STXBP5L: variants seen among roughly 807,000 people sequenced by gnomAD.
The protein encoded by STXBP5L is syntaxin-binding protein 5-like.
A neutral mutation model predicts 144.5 loss-of-function variants in STXBP5L; 65 were observed. The observed-to-expected ratio is 0.45, with a 90% CI of 0.37 to 0.55. STXBP5L has a LOEUF of 0.55. STXBP5L is among the 20% of genes least tolerant of loss of function. STXBP5L has a pLI of 0.00. For missense variants in STXBP5L, 1,298 were observed against 1,405.5 expected (o/e 0.92, Z 1.22); for synonymous variants, 505 against 469.6 (o/e 1.08, Z -0.97).
chr3:120,966,043 G>A (rs539898764), intron 3 of STXBP5L, among the ~76,000 whole-genome samples: 1 of 152,000 alleles, frequency 6.6e-6, no homozygotes, highest in South Asian at 2.1e-4. Context: ...TTCCATCACT[G>A]ATACCCTTTC....
chr3:121,374,454 C>A (rs371535640), intron 20 of STXBP5L, among the ~76,000 whole-genome samples: 3 of 151,196 alleles, frequency 2.0e-5, no homozygotes. Context: ...AATAACAGAC[C>A]CCAAAGGAAA....
At chr3:121,322,465 C>T (rs751707187) in intron 20 of STXBP5L, among the ~76,000 whole-genome samples, 22 of 111,940 alleles carry the variant, frequency 2.0e-4, no homozygotes, top group South Asian at 1.4e-3. Context: ...GCAACAAGAG[C>T]GAAACTGTGC....
chr3:120,988,572 T>C (rs1324866203), intron 3 of STXBP5L, among the ~76,000 whole-genome samples: 1 of 152,120 alleles, frequency 6.6e-6, no homozygotes, highest in African/African-American at 2.4e-5. Flanking sequence ...GAAACATGTA[T>C]GTTGTTCTTT....
At chr3:121,401,144 T>C (rs1308643774) in intron 22 of STXBP5L, among the ~76,000 whole-genome samples, 1 of 152,130 alleles carries the variant, frequency 6.6e-6, no homozygotes, top group Non-Finnish European at 1.5e-5. Context: ...ATGTGTTCAG[T>C]ATGCGGGTTC....
At chr3:121,117,865 T>A (rs2044298943) in intron 6 of STXBP5L, among the ~76,000 whole-genome samples, 1 of 151,746 alleles carries the variant, frequency 6.6e-6, no homozygotes, top group African/African-American at 2.4e-5. Context: ...AACAGTGATA[T>A]TTGAAGAATA....
intron 19 of STXBP5L, among the ~76,000 whole-genome samples, chr3:121,282,819 A>G (rs1369461807): frequency 1.3e-5 from 2 of 152,020 alleles, no homozygotes; most frequent in African/African-American, 2.4e-5. Context: ...CTGATTTCTG[A>G]TGATTTTTAT....
intron 2 of STXBP5L, among the ~76,000 whole-genome samples, chr3:120,918,275 C>A (rs569162238): frequency 6.6e-6 from 1 of 152,332 alleles, no homozygotes; most frequent in South Asian, 2.1e-4. Flanking sequence ...AGTCTTCATT[C>A]CATCTGCAAC....
intron 20 of STXBP5L, among the ~76,000 whole-genome samples, chr3:121,354,447 G>T (rs2045423495): frequency 6.9e-6 from 1 of 145,002 alleles, no homozygotes; most frequent in Admixed American, 6.9e-5. Flanking sequence ...GGTCTTCTTT[G>T]TCTCTTTTGA....
chr3:120,927,667 C>T (rs536810983), intron 2 of STXBP5L, among the ~76,000 whole-genome samples: 25 of 152,134 alleles, frequency 1.6e-4, no homozygotes, highest in Non-Finnish European at 3.2e-4. Context: ...ATTCTCTTTA[C>T]TGTCTGCTTG....
intron 20 of STXBP5L, among the ~76,000 whole-genome samples, chr3:121,347,677 C>G (rs1192959813): frequency 6.6e-6 from 1 of 152,070 alleles, no homozygotes; most frequent in South Asian, 2.1e-4. Context: ...CCTTACATCC[C>G]TTGTAAGTTG....
intron 3 of STXBP5L, among the ~76,000 whole-genome samples, chr3:120,955,747 TCAC>T (rs1937955729): frequency 6.6e-6 from 1 of 152,086 alleles, no homozygotes; most frequent in Non-Finnish European, 1.5e-5. Flanking sequence ...AACATTTCTA[TCAC>T]CACAAGGATT....
intron 3 of STXBP5L, among the ~76,000 whole-genome samples, chr3:121,014,716 C>G (rs569476940): frequency 6.6e-6 from 1 of 151,928 alleles, no homozygotes; most frequent in Non-Finnish European, 1.5e-5. Flanking sequence ...GTCACTGTTT[C>G]AGTAGATTCA....
intron 2 of STXBP5L, among the ~76,000 whole-genome samples, chr3:120,947,800 T>C (rs1688685): frequency 0.23 from 35,347 of 151,808 alleles, 4,241 homozygotes; most frequent in Non-Finnish European, 0.26. Context: ...TTTTTTAAAA[T>C]TGAGGAACAA....
At chr3:120,941,598 AATTT>A (rs1204875721) in intron 2 of STXBP5L, among the ~76,000 whole-genome samples, 2 of 151,800 alleles carry the variant, frequency 1.3e-5, no homozygotes, top group African/African-American at 4.8e-5. Flanking sequence ...CTAGATAAGG[AATTT>A]ATTTAAATAT....
At chr3:121,257,383 T>A in intron 17 of STXBP5L, 50 bp downstream of exon 17, 18 of 1,467,904 alleles carry the variant, frequency 1.2e-5, no homozygotes, top group Non-Finnish European at 1.7e-5. Flanking sequence ...TAATCATATG[T>A]CTTTGAAACT....
intron 22 of STXBP5L, among the ~76,000 whole-genome samples, chr3:121,400,130 T>A (rs1456028461): frequency 6.6e-6 from 1 of 152,214 alleles, no homozygotes; most frequent in Non-Finnish European, 1.5e-5. Flanking sequence ...AATTTTATCT[T>A]TTGATGTATG....
At chr3:121,099,801 T>G (rs2043319566) in intron 5 of STXBP5L, 1 of 152,168 alleles carries the variant, frequency 6.6e-6, no homozygotes, top group Admixed American at 6.6e-5. Flanking sequence ...TTAAAAGGCA[T>G]AGAGTGGCAA....
intron 9 of STXBP5L, among the ~76,000 whole-genome samples, chr3:121,177,941 G>C (rs962617685): frequency 6.6e-6 from 1 of 152,172 alleles, no homozygotes; most frequent in African/African-American, 2.4e-5. Context: ...ATATGATTCA[G>C]CTTTGAAAAA....
intron 20 of STXBP5L, among the ~76,000 whole-genome samples, chr3:121,330,675 G>T (rs1011101239): frequency 1.3e-5 from 2 of 152,034 alleles, no homozygotes; most frequent in African/African-American, 4.8e-5. Context: ...CTACCCCCTG[G>T]CTGGAGACCA....
Sources: allele counts gnomAD v4.1 joint callset (sites outside exome capture counted in the v4.1 genomes callset), GRCh38; gene constraint gnomAD v4.1.1; transcripts MANE v1.5; gene names NCBI Gene and HGNC (gene_info 2026-07-23, HGNC 2026-07-21).